The following RIN2 variants were observed in gnomAD, a reference collection of about 807,000 sequenced individuals.
The protein encoded by RIN2 is Ras and Rab interactor 2, also known as RAB5 interacting protein 2.
Under a neutral mutation model 78.0 loss-of-function variants are expected in RIN2, and 36 were observed. That is an observed-to-expected ratio of 0.46 (90% CI 0.35 to 0.61). RIN2 has a LOEUF of 0.61. RIN2 is among the 20% of genes least tolerant of loss of function. The pLI, the probability that RIN2 is intolerant of heterozygous loss-of-function variation, is 0.00. For missense variants in RIN2, 1,087 were observed against 1,159.7 expected (o/e 0.94, Z 0.91); for synonymous variants, 466 against 466.8 (o/e 1.00, Z 0.02).
intron 2 of RIN2, among the ~76,000 whole-genome samples, chr20:19,822,201 G>A (rs770475152): frequency 3.3e-5 from 5 of 152,172 alleles, no homozygotes; most frequent in Non-Finnish European, 7.3e-5. Flanking sequence ...AATGGTGCAG[G>A]ACTGGTCTGG....
chr20:19,787,138 ACTGT>A (rs1397599869), intron 1 of RIN2, among the ~76,000 whole-genome samples: 3 of 152,136 alleles, frequency 2.0e-5, no homozygotes, highest in African/African-American at 4.8e-5. Flanking sequence ...AAGACAAATG[ACTGT>A]CTGGGCACAG....
At chr20:19,995,953 T>A (rs549390915) in intron 11 of RIN2, among the ~76,000 whole-genome samples, 37 of 152,318 alleles carry the variant, frequency 2.4e-4, no homozygotes, top group African/African-American at 8.4e-4. Flanking sequence ...CACGCCTGAC[T>A]TTCCCCCCAC....
chr20:19,842,956 T>A (rs941777123), intron 2 of RIN2, among the ~76,000 whole-genome samples: 1 of 151,942 alleles, frequency 6.6e-6, no homozygotes, highest in South Asian at 2.1e-4. Flanking sequence ...TTGGAAGAAG[T>A]TGATGCCAAC....
At chr20:19,787,489 G>A (rs1484962658) in intron 1 of RIN2, among the ~76,000 whole-genome samples, 1 of 151,720 alleles carries the variant, frequency 6.6e-6, no homozygotes, top group African/African-American at 2.4e-5. Context: ...GGGCTAGAGG[G>A]AGAAGATTTT....
At chr20:19,811,001 G>A (rs147016088) in intron 2 of RIN2, among the ~76,000 whole-genome samples, 2 of 151,124 alleles carry the variant, frequency 1.3e-5, no homozygotes, top group East Asian at 1.9e-4. Context: ...GTGAACCACC[G>A]TGCCCGGCCA....
chr20:19,823,791 A>T, intron 2 of RIN2: 1 of 1,599,656 alleles, frequency 6.3e-7, no homozygotes, highest in East Asian at 2.2e-5. Flanking sequence ...CCTTCCAGTC[A>T]CCCATTGCCT....
At chr20:19,869,903 G>A (rs4814912) in intron 2 of RIN2, among the ~76,000 whole-genome samples, 46,062 of 151,728 alleles carry the variant, frequency 0.3, 7,510 homozygotes, top group Middle Eastern at 0.51. Context: ...CCGCCTGGGC[G>A]TCCCAAAGCA....
At chr20:19,946,599 G>A (rs901000442) in intron 4 of RIN2, among the ~76,000 whole-genome samples, 1 of 150,874 alleles carries the variant, frequency 6.6e-6, no homozygotes, top group Non-Finnish European at 1.5e-5. Flanking sequence ...TTGCCTAGCT[G>A]CTCGGGAGGT....
intron 1 of RIN2, among the ~76,000 whole-genome samples, chr20:19,797,573 GACCT>G (rs1164494509): frequency 2.6e-5 from 4 of 152,158 alleles, no homozygotes; most frequent in Admixed American, 6.5e-5. Context: ...TTGAATCCAA[GACCT>G]ACCTATTAGT....
chr20:19,924,048 C>A (rs1219272485), intron 3 of RIN2, among the ~76,000 whole-genome samples: 1 of 119,598 alleles, frequency 8.4e-6, no homozygotes. Context: ...CCTTCCTTAC[C>A]CCCACCTTCC....
chr20:19,831,112 C>T lies in RIN2; in HGVS notation c.-37+31365C>T, dbSNP rs142664054. Among the ~76,000 whole-genome samples, 3 of 152,266 alleles carry T rather than the reference C, an allele frequency of 2.0e-5. No homozygotes were observed. The East Asian group carries it at 5.8e-4, about 29-fold the overall frequency. On this transcript the variant is annotated intron_variant, in intron 2 of 12. Transcript: ENST00000255006. ...GCCTCTTCTAGAAGTACACAGATGCCCCAGCATGCCACACTCCGGGTAGAT... is the reference window on the plus strand; with the variant it reads ...GCCTCTTCTAGAAGTACACAGATGCTCCAGCATGCCACACTCCGGGTAGAT...
intron 3 of RIN2, among the ~76,000 whole-genome samples, chr20:19,891,198 A>G (rs939558810): frequency 1.3e-5 from 2 of 152,158 alleles, no homozygotes. Flanking sequence ...TCAGTTCTCA[A>G]ATGATTTACT....
At chr20:19,894,342 C>G (rs186345828) in intron 3 of RIN2, among the ~76,000 whole-genome samples, 3 of 152,144 alleles carry the variant, frequency 2.0e-5, no homozygotes, top group South Asian at 2.1e-4. Context: ...AAGCCACCCC[C>G]ACTCTCCCTA....
In RIN2 at chr20:19,935,147, G is replaced by A. The variant is rs765060059; in HGVS notation, c.106G>A (p.Val36Met). The A allele has an allele frequency of 4.1e-5, 65 of 1,604,898 alleles. No individual in the cohort carries two copies. Among genetic ancestry groups the A allele is most frequent in the Non-Finnish European group, 4.8e-5 (57 of 1,175,758 alleles). The change falls in exon 4 of 13, where the codon GTG becomes ATG. Residue 36 changes from valine (V) to methionine (M), a missense_variant. By Grantham distance (21) the Val-to-Met change is conservative. Coordinates refer to ENST00000255006, the MANE Select transcript of RIN2 (RefSeq NM_018993.4). Reference sequence around the variant, plus strand: ...GATCGGAGAACTGAAACAGGAGATGGTGCGGACAGATGTCAACCTGGAAAA... The same window carrying A: ...GATCGGAGAACTGAAACAGGAGATGATGCGGACAGATGTCAACCTGGAAAA... ...SEIGELKQEM[V>M]RTDVNLENGL...
chr20:19,992,073 A>G (rs1295639344), intron 10 of RIN2, 95 bp from the exon 11 acceptor site: 1 of 1,427,876 alleles, frequency 7.0e-7, no homozygotes, highest in Non-Finnish European at 9.5e-7. Context: ...TTCCCCCCAG[A>G]GTGACTCCTT....
chr20:19,829,362 A>C (rs946572230), intron 2 of RIN2, among the ~76,000 whole-genome samples: 1 of 152,146 alleles, frequency 6.6e-6, no homozygotes, highest in Non-Finnish European at 1.5e-5. Context: ...AAAAAGAAAA[A>C]AAAATGGATT....
At chr20:19,810,599 A>G (rs1442363001) in intron 2 of RIN2, among the ~76,000 whole-genome samples, 1 of 148,718 alleles carries the variant, frequency 6.7e-6, no homozygotes, top group Non-Finnish European at 1.5e-5. Context: ...AGCACTTTTG[A>G]TTGCTCTCTC....
chr20:19,771,115 C>T (rs968096229), intron 1 of RIN2, among the ~76,000 whole-genome samples: 3 of 152,164 alleles, frequency 2.0e-5, no homozygotes, highest in African/African-American at 7.2e-5. Context: ...TGAATGCAGG[C>T]CTTTGGCGTG....
chr20:19,960,223 T>C (rs2041693047), intron 5 of RIN2, among the ~76,000 whole-genome samples: 2 of 152,238 alleles, frequency 1.3e-5, no homozygotes, highest in African/African-American at 4.8e-5. Context: ...TTTTTCACTG[T>C]TGGCCACAAA....
Sources: allele counts gnomAD v4.1 joint callset (sites outside exome capture counted in the v4.1 genomes callset), GRCh38; gene constraint gnomAD v4.1.1; transcripts MANE v1.5; gene names NCBI Gene and HGNC (gene_info 2026-07-23, HGNC 2026-07-21).